TBL1X: variants seen among roughly 807,000 people sequenced by gnomAD.
TBL1X encodes F-box-like/WD repeat-containing protein TBL1X.
TBL1X carries 10 observed loss-of-function variants against 50.7 expected under a neutral mutation model. That is an observed-to-expected ratio of 0.20 (90% confidence interval 0.12 to 0.33). TBL1X has a LOEUF of 0.33. Among genes scored for constraint, TBL1X ranks in the 10% least tolerant of loss-of-function variants. TBL1X has a pLI of 1.00. For missense variants in TBL1X, 340 were observed against 504.4 expected, an observed-to-expected ratio of 0.67 and a Z score of 3.12; for synonymous variants, 190 against 214.7, an observed-to-expected ratio of 0.88 and a Z score of 1.01.
At chrX:9,547,913 C>G (rs1432639975) in intron 2 of TBL1X, among the ~76,000 whole-genome samples, 1 of 96,599 alleles carries the variant, frequency 1.0e-5, no homozygotes, top group African/African-American at 3.9e-5. Flanking sequence ...CTCTTGCCAT[C>G]TAGTATCACG....
chrX:9,669,434 T>C (rs902546251), intron 5 of TBL1X, among the ~76,000 whole-genome samples: 7 of 111,742 alleles, frequency 6.3e-5, no homozygotes, highest in Non-Finnish European at 1.1e-4. Flanking sequence ...TCCCAATCTG[T>C]CTGTCTAACA....
At chrX:9,681,573 G>A (rs2146626423) in intron 5 of TBL1X, among the ~76,000 whole-genome samples, 1 of 112,650 alleles carries the variant, frequency 8.9e-6, no homozygotes, top group East Asian at 2.8e-4. Flanking sequence ...GCAAGTACCA[G>A]TTCTGTGGCC....
intron 2 of TBL1X, chrX:9,636,440 G>C (rs1327655179): frequency 1.8e-5 from 2 of 108,916 alleles, no homozygotes; most frequent in Non-Finnish European, 3.8e-5. Context: ...ATAATAAAAT[G>C]GTTAATTTTA....
At chrX:9,575,675 A>T (rs1323550437) in intron 2 of TBL1X, among the ~76,000 whole-genome samples, 1 of 111,563 alleles carries the variant, frequency 9.0e-6, no homozygotes, top group Non-Finnish European at 1.9e-5. Context: ...ATGCAAAGTC[A>T]TTTTTTTTGA....
intron 2 of TBL1X, among the ~76,000 whole-genome samples, chrX:9,594,022 G>C (rs760077045): frequency 8.9e-6 from 1 of 112,315 alleles, no homozygotes; most frequent in Non-Finnish European, 1.9e-5. Context: ...ACTCTGCCCC[G>C]CTCGGGGTTA....
At chrX:9,589,191 T>C (rs1392377592) in intron 2 of TBL1X, among the ~76,000 whole-genome samples, 1 of 111,804 alleles carries the variant, frequency 8.9e-6, no homozygotes, top group East Asian at 2.8e-4. Flanking sequence ...AAAATTATCA[T>C]TATACTATAT....
At chrX:9,689,075 C>T (rs776546464) in intron 7 of TBL1X, among the ~76,000 whole-genome samples, 4 of 113,252 alleles carry the variant, frequency 3.5e-5, no homozygotes, top group South Asian at 3.5e-4. Context: ...TGTTCCTGTG[C>T]GTGTGTGTGC....
intron 2 of TBL1X, among the ~76,000 whole-genome samples, chrX:9,575,790 G>A (rs1297495569): frequency 8.9e-6 from 1 of 112,095 alleles, no homozygotes; most frequent in African/African-American, 3.2e-5. Flanking sequence ...GAGGAATGAT[G>A]AAGTGTAAAT....
chrX:9,506,855 A>G (rs771352889), intron 2 of TBL1X, among the ~76,000 whole-genome samples: 1 of 112,202 alleles, frequency 8.9e-6, no homozygotes, highest in South Asian at 3.7e-4. Context: ...TACCAGAAAT[A>G]CAGAGGAGCT....
At chrX:9,648,501 C>G (rs941559747) in intron 3 of TBL1X, among the ~76,000 whole-genome samples, 1 of 112,014 alleles carries the variant, frequency 8.9e-6, no homozygotes, top group Non-Finnish European at 1.9e-5. Flanking sequence ...TTTCATAGAG[C>G]AGGTCCTCCC....
At chrX:9,701,448 C>T (rs779245351) in intron 12 of TBL1X, among the ~76,000 whole-genome samples, 4 of 108,561 alleles carry the variant, frequency 3.7e-5, no homozygotes, top group Admixed American at 9.9e-5. Context: ...CACCTGAGCA[C>T]GGGGGAGCCT....
intron 5 of TBL1X, 123 bp from the exon 6 acceptor site, chrX:9,683,920 C>T: frequency 9.6e-7 from 1 of 1,044,963 alleles, no homozygotes. Flanking sequence ...CATTCTGCAG[C>T]CGTGTCTGTC....
At chrX:9,618,976 TG>T (rs1481851263) in intron 2 of TBL1X, among the ~76,000 whole-genome samples, 1 of 111,459 alleles carries the variant, frequency 9.0e-6, no homozygotes, top group Non-Finnish European at 1.9e-5. Flanking sequence ...TTCAAAGCAT[TG>T]GGGGTGTTTG....
intron 2 of TBL1X, among the ~76,000 whole-genome samples, chrX:9,623,354 G>A (rs1487349123): frequency 4.5e-5 from 5 of 111,976 alleles, no homozygotes; most frequent in African/African-American, 1.6e-4. Flanking sequence ...AGCAGACTTT[G>A]TATGGCCCAT....
intron 2 of TBL1X, among the ~76,000 whole-genome samples, chrX:9,508,870 G>C (rs1220614304): frequency 1.8e-5 from 2 of 110,275 alleles, no homozygotes; most frequent in East Asian, 2.9e-4. Flanking sequence ...TCACTCATAA[G>C]GGGGAGTTGA....
intron 2 of TBL1X, among the ~76,000 whole-genome samples, chrX:9,578,220 G>C (rs1404461358): frequency 9.0e-6 from 1 of 111,714 alleles, no homozygotes; most frequent in Non-Finnish European, 1.9e-5. Flanking sequence ...GTTAAGTGCT[G>C]AGATGAAATT....
At chrX:9,657,844 A>G (rs1377725141) in intron 5 of TBL1X, among the ~76,000 whole-genome samples, 2 of 112,392 alleles carry the variant, frequency 1.8e-5, no homozygotes, top group Non-Finnish European at 3.8e-5. Flanking sequence ...ACCAAGCTCT[A>G]GTGCCAAAAT....
intron 2 of TBL1X, among the ~76,000 whole-genome samples, chrX:9,515,275 C>T (rs1246366583): frequency 8.9e-6 from 1 of 111,946 alleles, no homozygotes; most frequent in Non-Finnish European, 1.9e-5. Flanking sequence ...AGCCCATATA[C>T]ACCTCCCTTT....
chrX:9,707,897 C>T (rs936467319), intron 13 of TBL1X, among the ~76,000 whole-genome samples: 1 of 112,634 alleles, frequency 8.9e-6, no homozygotes, highest in Non-Finnish European at 1.9e-5. Flanking sequence ...CAGATGTGGC[C>T]TTGTCACTGT....
Sources: gnomAD v4.1 joint callset for allele counts (sites outside exome capture counted in the v4.1 genomes callset) on GRCh38, gnomAD v4.1.1 for gene constraint, MANE v1.5 for transcripts, NCBI Gene and HGNC (gene_info 2026-07-23, HGNC 2026-07-21) for gene names.